The following ANKRD2 variants were observed in gnomAD, a reference collection of about 807,000 sequenced individuals.
ANKRD2 encodes the protein ankyrin repeat domain-containing protein 2.
In ANKRD2, 35 loss-of-function variants were observed where a neutral mutation model predicts 37.3. That is an observed-to-expected ratio of 0.94 (90% CI 0.72 to 1.24). The LOEUF (loss-of-function observed/expected upper bound fraction) is 1.24, where lower values mean the gene tolerates loss of function less well. ANKRD2 is among the 50% of genes most tolerant of loss of function. The pLI is 0.00. For synonymous variants in ANKRD2, 159 were observed against 186.5 expected (o/e 0.85, Z 1.20); for missense variants, 410 against 445.6 (o/e 0.92, Z 0.72).
Position 97,580,884 on chromosome 10 carries a change from C to T in ANKRD2, c.486C>T (p.Ser162=). 1 of 1,611,402 alleles carries T rather than the reference C, an allele frequency of 6.2e-7. No homozygotes were observed. The highest frequency in any genetic ancestry group is 1.1e-5 in the South Asian group (1 of 90,364). ...GTCGGACAGCACTGCACCGAGCTTC[C>T]CTGGAAGGCCACATGGAAATCCTGG... ...QFRRTALHRA[S]LEGHMEILEK... is the part of the protein sequence containing the mutation. The change falls in exon 5 of 9, where the codon TCC becomes TCT. Residue 162 remains serine (S), a synonymous_variant. Transcript: ENST00000370655.
upstream of ANKRD2, chr10:97,572,465 C>A (rs981748164): frequency 7.6e-6 from 4 of 526,300 alleles, no homozygotes; most frequent in Non-Finnish European, 1.3e-5. Flanking sequence ...GCCAGCAGTT[C>A]CCTTTTGCAA....
At chr10:97,576,568 G>C (rs1256220859) in intron 1 of ANKRD2, among the ~76,000 whole-genome samples, 1 of 151,966 alleles carries the variant, frequency 6.6e-6, no homozygotes, top group Non-Finnish European at 1.5e-5. Flanking sequence ...ATCTAACAAA[G>C]AGCTGCCAAA....
chr10:97,578,144 G>GGCCCCCCCCCCCCCCC, intron 2 of ANKRD2, 96 bp from the exon 3 acceptor site: 27 of 685,350 alleles, frequency 3.9e-5, no homozygotes, highest in Middle Eastern at 4.0e-4. Context: ...GGGTCTTCCT[G>GGCCCCCCCCCCCCCCC]CCCACCCCAC....
chr10:97,582,528 C>A, intron 7 of ANKRD2, 76 bp from the exon 8 acceptor site: 1 of 1,569,816 alleles, frequency 6.4e-7, no homozygotes, highest in Non-Finnish European at 8.8e-7. Context: ...TGAGCAGGGT[C>A]TCCAGCCCAC....
At chr10:97,579,169 A>G (rs556122418) in intron 4 of ANKRD2, among the ~76,000 whole-genome samples, 1 of 151,592 alleles carries the variant, frequency 6.6e-6, no homozygotes, top group African/African-American at 2.4e-5. Context: ...AGATAAAGAT[A>G]TAGATTTTTT....
intron 5 of ANKRD2, 86 bp from the exon 6 acceptor site, chr10:97,581,230 C>A: frequency 7.4e-7 from 1 of 1,356,326 alleles, no homozygotes; most frequent in South Asian, 1.3e-5. Context: ...CCCTAGATAT[C>A]CCTCTGCCTT....
chr10:97,573,239 G>T (rs2040783126), intron 1 of ANKRD2, among the ~76,000 whole-genome samples: 1 of 152,162 alleles, frequency 6.6e-6, no homozygotes, highest in South Asian at 2.1e-4. Context: ...TGGGAGGCTG[G>T]GGCAGGGGAA....
chr10:97,580,123 C>T (rs144610559), intron 4 of ANKRD2, among the ~76,000 whole-genome samples: 67 of 152,204 alleles, frequency 4.4e-4, no homozygotes, highest in African/African-American at 1.6e-3. Context: ...GTCCAACTAC[C>T]TCCTACTTCC....
At position 97,578,011 on chromosome 10, in the gene ANKRD2, TAGAGCTTGCTAGCCCTGC is replaced by T. The variant is rs1299445125; in HGVS notation, c.189+114_189+131del. The T allele has an allele frequency of 2.4e-5, 27 of 1,144,656 alleles. No homozygotes were observed. In the East Asian group the frequency reaches 2.8e-4, roughly 12 times the overall value. 70.9% of individuals were successfully genotyped at this position (1,144,656 alleles called of 1,614,324 possible). The stretch of plus-strand genomic sequence containing the variant: ...TGGACCAGCAGTTCAGCACCCCCGG[TAGAGCTTGCTAGCCCTGC>T]AGAATCTCCGCCCCGTCCCAGAACT... On this transcript the variant is annotated intron_variant, in intron 2 of 8. Transcript: ENST00000370655.
chr10:97,573,450 C>T (rs1365819806), intron 1 of ANKRD2, among the ~76,000 whole-genome samples: 6 of 151,390 alleles, frequency 4.0e-5, no homozygotes, highest in South Asian at 2.1e-4. Flanking sequence ...TTTTTTGAGA[C>T]GGGGTCTCCC....
In ANKRD2 at chr10:97,581,380, A is replaced by G; in HGVS notation, c.620A>G (p.Gln207Arg). ...CACTTAGAGGTGGTGAAACTTCTGC[A>G]AAGCCATGGAGCAGACACCAATGTG... ...GGHLEVVKLL[Q>R]SHGADTNVRD... The change falls in exon 6 of 9, where the codon CAA becomes CGA. Residue 207 changes from glutamine (Q) to arginine (R), a missense_variant. Transcript: ENST00000370655. 1 of 1,614,220 alleles carries G rather than the reference A, an allele frequency of 6.2e-7. No individual in the cohort carries two copies. Among genetic ancestry groups the G allele is most frequent in the Non-Finnish European group, 8.5e-7 (1 of 1,180,008 alleles).
At chr10:97,574,564 C>T (rs1259233009) in intron 1 of ANKRD2, among the ~76,000 whole-genome samples, 1 of 152,110 alleles carries the variant, frequency 6.6e-6, no homozygotes, top group East Asian at 1.9e-4. Flanking sequence ...TGTCATCTGA[C>T]CTATTTTAGG....
rs1458623109 is a variant in ANKRD2 at position 97,583,735 on chromosome 10, C to T, written c.*10C>T. ...TGTGCCAGCCCAGTGAATGCGTGCCCCAGCCCAGCCAGCTACCCAGCCCCT... is the reference window on the plus strand; with the variant it reads ...TGTGCCAGCCCAGTGAATGCGTGCCTCAGCCCAGCCAGCTACCCAGCCCCT... On this transcript the variant is annotated 3_prime_UTR_variant, in exon 9 of 9. Transcript: ENST00000370655. 6.7e-7 allele frequency: 1 copy of T among 1,499,630 alleles called. No homozygotes were observed. Among genetic ancestry groups the T allele is most frequent in the South Asian group, 1.3e-5 (1 of 74,196 alleles). The allele number at this position is 1,499,630 out of a possible 1,614,324, so 92.9% of individuals were successfully genotyped here. A position where few individuals can be genotyped will look rare whatever the true frequency, so the allele number is the denominator to read the frequency against.
chr10:97,572,845 G>A lies in ANKRD2; in HGVS notation c.57G>A (p.Glu19=), dbSNP rs1391565038. The part of the protein sequence containing the change: ...EAVQRATALI[E]QRLAQEEENE... ...TGCAGAGGGCCACAGCGCTCATCGA[G>A]CAGCGGCTGGCACAGGAGGAGGAGA... The change falls in exon 1 of 9, where the codon GAG becomes GAA. Residue 19 remains glutamate (E), a synonymous_variant. Coordinates refer to ENST00000370655, the MANE Select transcript of ANKRD2 (RefSeq NM_001346793.2). 1 of 1,556,226 alleles carries A rather than the reference G, an allele frequency of 6.4e-7. No homozygotes were observed. The highest frequency in any genetic ancestry group is 8.7e-7 in the Non-Finnish European group (1 of 1,149,920).
At chr10:97,578,158 C>CCCCA in intron 2 of ANKRD2, 82 bp from the exon 3 acceptor site, 1 of 1,067,840 alleles carries the variant, frequency 9.4e-7, no homozygotes, top group Non-Finnish European at 1.4e-6. Context: ...ACCCCACCCT[C>CCCCA]CCCACCAGCT....
chr10:97,582,312 C>T lies in ANKRD2; in HGVS notation c.655-3C>T. 1 of 1,553,694 alleles carries T rather than the reference C, an allele frequency of 6.4e-7. No individual in the cohort carries two copies. The highest frequency in any genetic ancestry group is 8.7e-7 in the Non-Finnish European group (1 of 1,147,970). ...CTAGCAGTTCCTGATTCCTCCCACC[C>T]AGCTGCTGAGCACCCCGCTGCACGT... On this transcript the variant is annotated splice_polypyrimidine_tract_variant and splice_region_variant and intron_variant, in intron 6 of 8. Coordinates refer to ENST00000370655, the MANE Select transcript of ANKRD2 (RefSeq NM_001346793.2).
intron 4 of ANKRD2, among the ~76,000 whole-genome samples, chr10:97,579,271 A>G (rs1450539951): frequency 6.6e-6 from 1 of 151,422 alleles, no homozygotes; most frequent in Non-Finnish European, 1.5e-5. Flanking sequence ...ATGTGTTAAG[A>G]TATGATATTT....
upstream of ANKRD2, chr10:97,572,644 T>A: frequency 6.5e-7 from 1 of 1,531,150 alleles, no homozygotes; most frequent in Non-Finnish European, 8.8e-7. Flanking sequence ...CCCTGCTCCC[T>A]GGGGCTGCCC....
intron 1 of ANKRD2, among the ~76,000 whole-genome samples, chr10:97,573,401 G>T (rs1024002573): frequency 6.6e-6 from 1 of 151,904 alleles, no homozygotes; most frequent in Non-Finnish European, 1.5e-5. Flanking sequence ...GAAGTGGAGC[G>T]GTGGCAGGGG....
Sources: gnomAD v4.1 joint callset for allele counts (sites outside exome capture counted in the v4.1 genomes callset) on GRCh38, gnomAD v4.1.1 for gene constraint, MANE v1.5 for transcripts, NCBI Gene and HGNC (gene_info 2026-07-23, HGNC 2026-07-21) for gene names.